NEDD9: variants seen among roughly 807,000 people sequenced by gnomAD.
The protein encoded by NEDD9 is enhancer of filamentation 1.
Under a neutral mutation model 76.6 loss-of-function variants are expected in NEDD9, and 26 were observed. That is an observed-to-expected ratio of 0.34 (90% CI 0.25 to 0.47). The LOEUF is 0.47. NEDD9 is among the 20% of genes least tolerant of loss of function. NEDD9 has a pLI of 1.00. For missense variants in NEDD9, 937 were observed against 1,058.5 expected (o/e 0.89, Z 1.59); for synonymous variants, 392 against 414.2 (o/e 0.95, Z 0.65).
At chr6:11,310,707 G>T (rs146575129) in intron 2 of NEDD9, among the ~76,000 whole-genome samples, 1 of 152,170 alleles carries the variant, frequency 6.6e-6, no homozygotes, top group Non-Finnish European at 1.5e-5. Context: ...TATACACAGC[G>T]GATGTTTCAA....
chr6:11,318,987 G>C (rs1424958648), intron 2 of NEDD9, among the ~76,000 whole-genome samples: 1 of 152,238 alleles, frequency 6.6e-6, no homozygotes, highest in African/African-American at 2.4e-5. Flanking sequence ...GAAACCACGA[G>C]GGCCATTTAA....
upstream of NEDD9, among the ~76,000 whole-genome samples, chr6:11,234,084 C>T (rs529989513): frequency 1.9e-4 from 29 of 152,216 alleles, no homozygotes; most frequent in South Asian, 1.0e-3. Context: ...GGGACATGAC[C>T]CCCCAGGCCA....
intron 3 of NEDD9, among the ~76,000 whole-genome samples, chr6:11,288,947 T>G (rs1760706906): frequency 6.6e-6 from 1 of 152,238 alleles, no homozygotes; most frequent in Non-Finnish European, 1.5e-5. Flanking sequence ...CTAGTGTGTA[T>G]GTATTGAATG....
At chr6:11,330,734 A>T in intron 2 of NEDD9, among the ~76,000 whole-genome samples, 1 of 152,154 alleles carries the variant, frequency 6.6e-6, no homozygotes, top group East Asian at 1.9e-4. Flanking sequence ...GCCTCCTCCC[A>T]TATATAAACC....
At chr6:11,291,368 G>A (rs192693572) in intron 3 of NEDD9, among the ~76,000 whole-genome samples, 2 of 141,416 alleles carry the variant, frequency 1.4e-5, no homozygotes, top group South Asian at 4.7e-4. Flanking sequence ...TCCGCCTCCC[G>A]GGTTCACGCC....
At chr6:11,355,904 G>T (rs1219128909) in intron 1 of NEDD9, among the ~76,000 whole-genome samples, 2 of 151,602 alleles carry the variant, frequency 1.3e-5, no homozygotes, top group Non-Finnish European at 2.9e-5. Flanking sequence ...GTATTTTTTA[G>T]TAGAGACGGG....
intron 1 of NEDD9, among the ~76,000 whole-genome samples, chr6:11,221,067 C>T (rs138591240): frequency 2.0e-5 from 3 of 152,144 alleles, no homozygotes; most frequent in African/African-American, 7.2e-5. Context: ...TTGGGTTTAC[C>T]GAAGCAACTC....
intron 1 of NEDD9, among the ~76,000 whole-genome samples, chr6:11,348,518 C>T (rs895773937): frequency 2.0e-5 from 3 of 152,100 alleles, no homozygotes; most frequent in Non-Finnish European, 4.4e-5. Flanking sequence ...AACACACTAC[C>T]CAACTTCAAA....
chr6:11,276,488 T>C (rs1460082112), intron 3 of NEDD9, among the ~76,000 whole-genome samples: 1 of 152,202 alleles, frequency 6.6e-6, no homozygotes, highest in Non-Finnish European at 1.5e-5. Flanking sequence ...TAGGGATTGA[T>C]GGAATTCCTA....
At chr6:11,255,486 T>G (rs577452512) in intron 3 of NEDD9, among the ~76,000 whole-genome samples, 2 of 152,014 alleles carry the variant, frequency 1.3e-5, no homozygotes, top group South Asian at 4.2e-4. Flanking sequence ...CTGAGGAGAA[T>G]AGAATTAGTC....
At chr6:11,373,019 C>A (rs2113572232) in intron 1 of NEDD9, among the ~76,000 whole-genome samples, 1 of 152,074 alleles carries the variant, frequency 6.6e-6, no homozygotes, top group Non-Finnish European at 1.5e-5. Flanking sequence ...AAGGAAGAGG[C>A]CAATTGAGTA....
chr6:11,283,901 C>A (rs1274410696), intron 3 of NEDD9, among the ~76,000 whole-genome samples: 4 of 152,088 alleles, frequency 2.6e-5, no homozygotes, highest in Admixed American at 2.6e-4. Flanking sequence ...CACACAGAGC[C>A]TTCCTGGGTT....
At chr6:11,256,866 T>C (rs919725274) in intron 3 of NEDD9, among the ~76,000 whole-genome samples, 7 of 152,370 alleles carry the variant, frequency 4.6e-5, no homozygotes, top group Non-Finnish European at 8.8e-5. Flanking sequence ...TTCTGTCCTT[T>C]GTGCAAACTC....
At chr6:11,225,304 T>G (rs1258016505) in intron 1 of NEDD9, among the ~76,000 whole-genome samples, 1 of 152,192 alleles carries the variant, frequency 6.6e-6, no homozygotes, top group Non-Finnish European at 1.5e-5. Context: ...CTTGATATGT[T>G]AGACATATCA....
intron 2 of NEDD9, among the ~76,000 whole-genome samples, chr6:11,196,502 G>A (rs1021203013): frequency 6.6e-6 from 1 of 152,090 alleles, no homozygotes; most frequent in East Asian, 1.9e-4. Context: ...AATGCTTCCC[G>A]GTATTTAACA....
rs185395252 is a variant in NEDD9 at position 11,355,911 on chromosome 6, C to T, written c.-213-21350G>A. 3.6e-3 allele frequency among the ~76,000 whole-genome samples: 540 copies of T among 151,946 alleles called. 4 individuals are homozygous for T. The highest frequency in any genetic ancestry group is 0.012 in the African/African-American group (486 of 41,326). ...AATTTTTTGTATTTTTTAGTAGAGA[C>T]GGGGTTTCACCGTGTTAGCCAGGAT... is the stretch of plus-strand genomic sequence containing the variant. On this transcript the variant is annotated intron_variant, in intron 1 of 3. Transcript: ENST00000397378.
At chr6:11,332,326 T>C (rs1243890914) in intron 2 of NEDD9, among the ~76,000 whole-genome samples, 2 of 152,226 alleles carry the variant, frequency 1.3e-5, no homozygotes, top group Non-Finnish European at 2.9e-5. Context: ...GAACAATGGT[T>C]CAAGGACTAC....
chr6:11,285,922 CTT>C (rs1428143188), intron 3 of NEDD9, among the ~76,000 whole-genome samples: 15 of 152,118 alleles, frequency 9.9e-5, no homozygotes, highest in Admixed American at 9.8e-4. Flanking sequence ...ATGTTTGTGA[CTT>C]TGGGTAGGCA....
intron 1 of NEDD9, among the ~76,000 whole-genome samples, chr6:11,229,200 C>T (rs1034040426): frequency 3.3e-5 from 5 of 152,186 alleles, no homozygotes; most frequent in African/African-American, 1.2e-4. Context: ...TTGTAAGTTC[C>T]GTCTGTAATT....
Sources: gnomAD v4.1 joint callset for allele counts (sites outside exome capture counted in the v4.1 genomes callset) on GRCh38, gnomAD v4.1.1 for gene constraint, MANE v1.5 for transcripts, NCBI Gene and HGNC (gene_info 2026-07-23, HGNC 2026-07-21) for gene names.